Variants in PDE1C observed in about 807,000 individuals in gnomAD.
PDE1C encodes phosphodiesterase 1C.
In PDE1C, 62 loss-of-function variants were observed where a neutral mutation model predicts 93.1. The ratio of observed to expected loss-of-function variants is 0.67; its 90% CI spans 0.54 to 0.82. The LOEUF is 0.82. Among genes scored for constraint, PDE1C ranks in the 40% least tolerant of loss-of-function variants. The probability of loss-of-function intolerance (pLI) is 0.00; values close to 1 mark genes in which losing one functional copy is unlikely to be tolerated. For synonymous variants in PDE1C, 325 were observed against 310.1 expected, an observed-to-expected ratio of 1.05 and a Z score of -0.50; for missense variants, 742 against 884.6, an observed-to-expected ratio of 0.84 and a Z score of 2.04.
chr7:32,272,424 T>G (rs77987185), intron 1 of PDE1C, among the ~76,000 whole-genome samples: 10 of 152,362 alleles, frequency 6.6e-5, no homozygotes, highest in Non-Finnish European at 1.2e-4. Context: ...ATTGAACTAA[T>G]GAAGATGTCG....
chr7:32,080,376 A>G (rs1303979337), intron 3 of PDE1C, among the ~76,000 whole-genome samples: 2 of 152,130 alleles, frequency 1.3e-5, no homozygotes, highest in Admixed American at 6.5e-5. Flanking sequence ...TGTGAAATTT[A>G]TTTCATTTAT....
chr7:31,800,868 T>C (rs1785925215), intron 16 of PDE1C, among the ~76,000 whole-genome samples: 1 of 151,178 alleles, frequency 6.6e-6, no homozygotes, highest in African/African-American at 2.4e-5. Flanking sequence ...TCCCCAAATA[T>C]TTGGAAATTA....
intron 1 of PDE1C, among the ~76,000 whole-genome samples, chr7:32,357,916 C>T (rs1784062998): frequency 6.6e-6 from 1 of 152,190 alleles, no homozygotes; most frequent in South Asian, 2.1e-4. Flanking sequence ...CATCTGGAGA[C>T]TCAAAGTGTT....
the PDE1C span, among the ~76,000 whole-genome samples, chr7:31,726,189 C>A: frequency 6.6e-6 from 1 of 152,220 alleles, no homozygotes; most frequent in East Asian, 1.9e-4. Context: ...CCGCTTTAAT[C>A]TCCCAAGAAG....
intron 3 of PDE1C, among the ~76,000 whole-genome samples, chr7:32,158,280 C>T (rs574196495): frequency 9.7e-4 from 148 of 152,288 alleles, no homozygotes; most frequent in African/African-American, 3.3e-3. Context: ...ACTTGAGCCT[C>T]GTTGCCCGAG....
chr7:31,681,452 C>T, the PDE1C span, among the ~76,000 whole-genome samples: 1 of 151,964 alleles, frequency 6.6e-6, no homozygotes, highest in South Asian at 2.1e-4. Context: ...TTATCTTTTT[C>T]CTCCCTTTTA....
intron 2 of PDE1C, among the ~76,000 whole-genome samples, chr7:31,965,272 T>C (rs1025884248): frequency 2.0e-5 from 3 of 152,132 alleles, no homozygotes; most frequent in African/African-American, 4.8e-5. Flanking sequence ...AAGGACCTGA[T>C]GGAGCTGAAA....
the PDE1C span, among the ~76,000 whole-genome samples, chr7:31,632,368 A>G: frequency 6.6e-6 from 1 of 152,122 alleles, no homozygotes. Context: ...GAATCGCTTG[A>G]ACCCGGGAGG....
the PDE1C span, among the ~76,000 whole-genome samples, chr7:31,726,672 G>A: frequency 6.6e-6 from 1 of 152,178 alleles, no homozygotes; most frequent in Non-Finnish European, 1.5e-5. Context: ...TGGCCAATAT[G>A]AGTGACTGTT....
chr7:31,654,504 G>A, the PDE1C span, among the ~76,000 whole-genome samples: 1 of 152,194 alleles, frequency 6.6e-6, no homozygotes, highest in Non-Finnish European at 1.5e-5. Context: ...CATGCTGGCT[G>A]CTTTATGGAG....
chr7:32,232,663 G>T (rs1807787657), intron 1 of PDE1C, among the ~76,000 whole-genome samples: 3 of 152,202 alleles, frequency 2.0e-5, no homozygotes, highest in African/African-American at 7.2e-5. Context: ...AAAGTTACAT[G>T]AACTTCTGGA....
chr7:31,690,173 A>G, the PDE1C span, among the ~76,000 whole-genome samples: 3 of 152,236 alleles, frequency 2.0e-5, no homozygotes, highest in Non-Finnish European at 2.9e-5. Context: ...CATCTGAAAG[A>G]AAAGTTCAAT....
chr7:31,808,988 C>A, intron 16 of PDE1C, 43 bp downstream of exon 16: 2 of 1,143,892 alleles, frequency 1.7e-6, no homozygotes, highest in Non-Finnish European at 1.3e-6. Context: ...TTACATTAAA[C>A]TGCACATTTT....
intron 2 of PDE1C, among the ~76,000 whole-genome samples, chr7:31,896,751 A>G (rs1378172251): frequency 6.6e-6 from 1 of 152,226 alleles, no homozygotes; most frequent in Non-Finnish European, 1.5e-5. Flanking sequence ...GTGAAATGGC[A>G]TAACAATTGA....
chr7:32,254,695 A>T (rs1478991850), intron 1 of PDE1C, among the ~76,000 whole-genome samples: 2 of 152,184 alleles, frequency 1.3e-5, no homozygotes, highest in African/African-American at 4.8e-5. Context: ...ATGTATGTGT[A>T]TATGCATGTG....
intron 1 of PDE1C, among the ~76,000 whole-genome samples, chr7:32,318,124 A>C (rs1783212277): frequency 6.6e-6 from 1 of 152,100 alleles, no homozygotes; most frequent in East Asian, 1.9e-4. Context: ...TTCCGAAGAA[A>C]CTTCCTTTAA....
chr7:32,223,983 C>A (rs1475423300), intron 1 of PDE1C, among the ~76,000 whole-genome samples: 1 of 152,204 alleles, frequency 6.6e-6, no homozygotes, highest in Non-Finnish European at 1.5e-5. Flanking sequence ...CATCAGCTGT[C>A]CTGAGCTGCT....
chr7:32,185,978 ACT>A (rs958812261), intron 2 of PDE1C, among the ~76,000 whole-genome samples: 3 of 144,988 alleles, frequency 2.1e-5, no homozygotes, highest in Non-Finnish European at 3.0e-5. Flanking sequence ...GAACTTAGAA[ACT>A]CTGCTACTTT....
At chr7:32,094,973 A>C (rs140486169) in intron 3 of PDE1C, among the ~76,000 whole-genome samples, 34 of 152,168 alleles carry the variant, frequency 2.2e-4, no homozygotes, top group Admixed American at 7.2e-4. Flanking sequence ...ACTATTTGGA[A>C]CACTCCTCCT....
Sources: allele counts gnomAD v4.1 joint callset (sites outside exome capture counted in the v4.1 genomes callset), GRCh38; gene constraint gnomAD v4.1.1; transcripts MANE v1.5; gene names NCBI Gene and HGNC (gene_info 2026-07-23, HGNC 2026-07-21).